Variants in HELLS observed in about 807,000 individuals in gnomAD.
The protein encoded by HELLS is helicase, lymphoid specific.
In HELLS, 32 loss-of-function variants were observed where a neutral mutation model predicts 120.0. The observed-to-expected ratio is 0.27, with a 90% CI of 0.20 to 0.36. The LOEUF (loss-of-function observed/expected upper bound fraction) is 0.36. HELLS is among the 10% of genes least tolerant of loss of function. The pLI is 1.00. For missense variants in HELLS, 650 were observed against 993.4 expected, an observed-to-expected ratio of 0.65 and a Z score of 4.65; for synonymous variants, 341 against 323.4, an observed-to-expected ratio of 1.05 and a Z score of -0.58.
intron 21 of HELLS, among the ~76,000 whole-genome samples, chr10:94,598,524 A>G (rs1341745160): frequency 6.6e-6 from 1 of 151,622 alleles, no homozygotes; most frequent in Non-Finnish European, 1.5e-5. Context: ...CAGTGTCATG[A>G]TATCTTATTT....
At chr10:94,578,065 C>T (rs535792029) in intron 10 of HELLS, among the ~76,000 whole-genome samples, 216 of 121,844 alleles carry the variant, frequency 1.8e-3, no homozygotes, top group Non-Finnish European at 2.9e-3. Context: ...AGCGAGACTC[C>T]GTCTCAAAAA....
chr10:94,592,573 C>T (rs2134113592), intron 17 of HELLS, 59 bp downstream of exon 17: 1 of 1,148,868 alleles, frequency 8.7e-7, no homozygotes, highest in Non-Finnish European at 1.2e-6. Context: ...ATCTTGATTT[C>T]TGAAGTAATA....
At chr10:94,570,801 ATGT>A (rs1844108690) in intron 6 of HELLS, 1 of 152,092 alleles carries the variant, frequency 6.6e-6, no homozygotes, top group African/African-American at 2.4e-5. Flanking sequence ...GCAAACTCAG[ATGT>A]CTATCCACAG....
exon 10 of HELLS, chr10:94,611,225 G>A (rs1390978481): frequency 6.6e-6 from 1 of 152,086 alleles, no homozygotes; most frequent in Non-Finnish European, 1.5e-5. Flanking sequence ...CTGCAAGTGC[G>A]GGAAGTAATA....
intron 21 of HELLS, among the ~76,000 whole-genome samples, chr10:94,598,327 T>C (rs1221717135): frequency 1.3e-5 from 2 of 152,208 alleles, no homozygotes; most frequent in Non-Finnish European, 2.9e-5. Context: ...AGGGTCTTGC[T>C]TTGTATTCCT....
At chr10:94,607,516 C>T (rs1033965785) in intron 8 of HELLS, among the ~76,000 whole-genome samples, 3 of 152,064 alleles carry the variant, frequency 2.0e-5, no homozygotes, top group Non-Finnish European at 2.9e-5. Flanking sequence ...TTAAACTAGG[C>T]CTTATCTTTG....
chr10:94,557,994 C>A, intron 3 of HELLS, 145 bp from the exon 4 acceptor site: 2 of 1,046,372 alleles, frequency 1.9e-6, no homozygotes, highest in Non-Finnish European at 2.6e-6. Context: ...TCCATAAAGG[C>A]TTGAAGTACA....
Position 94,564,228 on chromosome 10 carries a change from A to C in HELLS, c.435+1352A>C, listed in dbSNP as rs574917894. On this transcript the variant is annotated intron_variant, in intron 6 of 21. Transcript: ENST00000348459. The stretch of plus-strand genomic sequence containing the variant: ...TATAGCATTTTGCAAGGAACTGTGG[A>C]AACAACAGGCATGGGCATAGAGCTT... Among the ~76,000 whole-genome samples the C allele has an allele frequency of 1.6e-4, 25 of 152,318 alleles. No individual in the cohort carries two copies. The South Asian group carries it at 4.4e-3, about 27-fold the overall frequency.
exon 10 of HELLS, chr10:94,612,815 A>G (rs914211238): frequency 1.3e-5 from 2 of 152,204 alleles, no homozygotes; most frequent in African/African-American, 2.4e-5. Flanking sequence ...AATCCCAGCT[A>G]CTTTGGTGGC....
intron 21 of HELLS, among the ~76,000 whole-genome samples, chr10:94,600,693 G>A (rs1006794802): frequency 2.0e-5 from 3 of 151,964 alleles, no homozygotes; most frequent in Admixed American, 6.6e-5. Flanking sequence ...AACAATCCAC[G>A]TGTTCAAAAC....
chr10:94,564,527 T>C lies in HELLS; in HGVS notation c.435+1651T>C, dbSNP rs185925775. Among the ~76,000 whole-genome samples the C allele has an allele frequency of 1.4e-3, 207 of 152,350 alleles. 1 individual carries two copies. Among genetic ancestry groups the C allele is most frequent in the Non-Finnish European group, 2.3e-3 (155 of 68,034 alleles). The stretch of plus-strand genomic sequence containing the variant: ...AAAACCAGCTTCTTTTTTTCATTTC[T>C]CACTTTTTACTTAAAAATATGAATG... On this transcript the variant is annotated intron_variant, in intron 6 of 21. Coordinates refer to ENST00000348459, the MANE Select transcript of HELLS (RefSeq NM_018063.5).
At position 94,601,629 on chromosome 10, in the gene HELLS, G is replaced by A; in HGVS notation, c.*7G>A. ...TCCTGAATGTTTGTTTTAAAGTGGA[G>A]CTCAAGAATAGCTTTTAAAAGTTCT... On this transcript the variant is annotated 3_prime_UTR_variant, in exon 22 of 22. Coordinates refer to ENST00000348459, the MANE Select transcript of HELLS (RefSeq NM_018063.5). The A allele has an allele frequency of 6.9e-7, 1 of 1,442,282 alleles. No individual in the cohort carries two copies. The highest frequency in any genetic ancestry group is 1.4e-5 in the African/African-American group (1 of 70,470). The allele number at this position is 1,442,282 out of a possible 1,614,324, so 89.3% of individuals were successfully genotyped here. A position where few individuals can be genotyped will look rare whatever the true frequency, so the allele number is the denominator to read the frequency against.
intron 2 of HELLS, among the ~76,000 whole-genome samples, chr10:94,548,746 C>T (rs1842849458): frequency 6.6e-6 from 1 of 152,126 alleles, no homozygotes; most frequent in African/African-American, 2.4e-5. Context: ...GTAATCCCAG[C>T]ACTTTGGGAG....
chr10:94,566,454 C>T (rs535017409), intron 6 of HELLS, among the ~76,000 whole-genome samples: 1 of 151,928 alleles, frequency 6.6e-6, no homozygotes, highest in Admixed American at 6.6e-5. Flanking sequence ...ATATTTGCCT[C>T]CAATTTGTAT....
At chr10:94,597,193 ATT>A in intron 21 of HELLS, 82 bp downstream of exon 21, 1 of 738,140 alleles carries the variant, frequency 1.4e-6, no homozygotes, top group Non-Finnish European at 2.3e-6. Context: ...TGTGCAATTC[ATT>A]CAGCCACATG....
At chr10:94,569,213 C>G (rs539249020) in intron 6 of HELLS, 1 of 148,016 alleles carries the variant, frequency 6.8e-6, no homozygotes, top group Non-Finnish European at 1.5e-5. Flanking sequence ...GGTGGAGTCT[C>G]GCACTGTCAC....
intron 9 of HELLS, among the ~76,000 whole-genome samples, chr10:94,575,316 C>T (rs1233007116): frequency 6.6e-6 from 1 of 151,536 alleles, no homozygotes; most frequent in African/African-American, 2.4e-5. Context: ...CCAGGCTGGT[C>T]TTGAACTCCT....
chr10:94,588,007 T>A (rs538675078), intron 12 of HELLS, among the ~76,000 whole-genome samples: 7 of 152,202 alleles, frequency 4.6e-5, no homozygotes, highest in Non-Finnish European at 8.8e-5. Context: ...AGATAGATTC[T>A]TACAGTTTTT....
intron 12 of HELLS, chr10:94,584,246 T>G (rs988436570): frequency 4.0e-5 from 16 of 401,252 alleles, no homozygotes; most frequent in Non-Finnish European, 6.1e-5. Context: ...AATATTTATT[T>G]ATTAATGGTT....
Sources: allele counts gnomAD v4.1 joint callset (sites outside exome capture counted in the v4.1 genomes callset), GRCh38; gene constraint gnomAD v4.1.1; transcripts MANE v1.5; gene names NCBI Gene and HGNC (gene_info 2026-07-23, HGNC 2026-07-21).